The following MAGI2 variants were observed in gnomAD, a reference collection of about 807,000 sequenced individuals.
The protein encoded by MAGI2 is membrane-associated guanylate kinase, WW and PDZ domain-containing protein 2.
MAGI2 carries 35 observed loss-of-function variants against 133.3 expected under a neutral mutation model. That is an observed-to-expected ratio of 0.26 (90% CI 0.20 to 0.35). The LOEUF (loss-of-function observed/expected upper bound fraction) is 0.35. Among genes scored for constraint, MAGI2 ranks in the 10% least tolerant of loss-of-function variants. MAGI2 has a pLI of 1.00. For synonymous variants in MAGI2, 729 were observed against 710.6 expected (o/e 1.03, Z -0.41); for missense variants, 1,636 against 1,863.4 (o/e 0.88, Z 2.25).
chr7:78,147,215 AG>A (rs2150572323), intron 16 of MAGI2, among the ~76,000 whole-genome samples: 1 of 152,304 alleles, frequency 6.6e-6, no homozygotes, highest in South Asian at 2.1e-4. Context: ...CCTCAAGCGA[AG>A]TGTTCAGGAG....
chr7:78,422,675 A>G (rs889835900), intron 6 of MAGI2, among the ~76,000 whole-genome samples: 3 of 152,214 alleles, frequency 2.0e-5, no homozygotes, highest in African/African-American at 7.2e-5. Flanking sequence ...ACTTTCTCAA[A>G]GTTGTATTGC....
chr7:79,369,488 A>T (rs1430492797), intron 1 of MAGI2, among the ~76,000 whole-genome samples: 1 of 152,238 alleles, frequency 6.6e-6, no homozygotes, highest in Admixed American at 6.5e-5. Flanking sequence ...AGCTGAAGTC[A>T]GTATAAAAAC....
chr7:78,043,097 T>C (rs1456798099), intron 21 of MAGI2, among the ~76,000 whole-genome samples: 1 of 152,244 alleles, frequency 6.6e-6, no homozygotes, highest in Non-Finnish European at 1.5e-5. Flanking sequence ...TTCCTAAATG[T>C]TAAATGTTAA....
intron 1 of MAGI2, among the ~76,000 whole-genome samples, chr7:79,288,733 A>G (rs140534028): frequency 2.7e-3 from 411 of 152,294 alleles, no homozygotes; most frequent in Middle Eastern, 6.8e-3. Flanking sequence ...GACCAAAGAT[A>G]GAAAAGCTAA....
intron 2 of MAGI2, among the ~76,000 whole-genome samples, chr7:78,999,210 G>A (rs539194738): frequency 6.6e-6 from 1 of 152,102 alleles, no homozygotes; most frequent in East Asian, 1.9e-4. Flanking sequence ...GAAAGATTGT[G>A]TCACAGCAGC....
chr7:78,656,755 AT>A (rs1439389908), intron 2 of MAGI2, among the ~76,000 whole-genome samples: 1 of 152,206 alleles, frequency 6.6e-6, no homozygotes, highest in East Asian at 1.9e-4. Context: ...ACAATTAAAA[AT>A]AATCACGTTT....
rs1409927007 is a variant in MAGI2, at chr7:78,862,241, T to C, written c.418+144849A>G. Among the ~76,000 whole-genome samples, 6 of 152,348 alleles carry C rather than the reference T, an allele frequency of 3.9e-5. No homozygotes were observed. In the East Asian group the frequency reaches 1.2e-3, roughly 29 times the overall value. ...AACAGAGTGCTTAGAATATAACTTC[T>C]TCGTAAATGCTGATGAAACCAACAG... On this transcript the variant is annotated intron_variant, in intron 2 of 21. Coordinates refer to ENST00000354212, the MANE Select transcript of MAGI2 (RefSeq NM_012301.4).
chr7:79,405,800 G>C (rs1440599269), intron 1 of MAGI2, among the ~76,000 whole-genome samples: 3 of 151,496 alleles, frequency 2.0e-5, no homozygotes, highest in Admixed American at 2.0e-4. Flanking sequence ...TCCTTTTCTT[G>C]ATGATTGACT....
intron 21 of MAGI2, among the ~76,000 whole-genome samples, chr7:78,062,759 C>A (rs1317533075): frequency 1.3e-5 from 2 of 152,164 alleles, no homozygotes; most frequent in Non-Finnish European, 2.9e-5. Context: ...CATCCAAGTG[C>A]CCTGTTTCTG....
intron 1 of MAGI2, among the ~76,000 whole-genome samples, chr7:79,339,325 T>C (rs1480955728): frequency 2.0e-5 from 3 of 152,154 alleles, no homozygotes; most frequent in African/African-American, 7.2e-5. Context: ...AATTGTACTA[T>C]GTTACAATTC....
At chr7:79,344,412 TA>T (rs1210442026) in intron 1 of MAGI2, among the ~76,000 whole-genome samples, 4 of 152,170 alleles carry the variant, frequency 2.6e-5, no homozygotes, top group Admixed American at 1.3e-4. Flanking sequence ...GATTGCTACA[TA>T]AATGAGCAAT....
chr7:78,198,333 G>A (rs7777283), intron 11 of MAGI2, among the ~76,000 whole-genome samples: 52,599 of 151,756 alleles, frequency 0.35, 10,531 homozygotes, highest in Non-Finnish European at 0.45. Flanking sequence ...CTTTATGAAC[G>A]GACAGCCACT....
At chr7:79,151,614 T>C (rs1453186275) in intron 1 of MAGI2, among the ~76,000 whole-genome samples, 1 of 152,148 alleles carries the variant, frequency 6.6e-6, no homozygotes, top group Non-Finnish European at 1.5e-5. Context: ...TGAACAATTT[T>C]TAACCACTAA....
intron 17 of MAGI2, chr7:78,133,989 G>C (rs1402721602): frequency 1.3e-5 from 2 of 151,682 alleles, no homozygotes; most frequent in Non-Finnish European, 2.9e-5. Flanking sequence ...ACTCAGCACT[G>C]TTGGCATTTT....
At chr7:78,399,529 G>T (rs1430084999) in intron 6 of MAGI2, among the ~76,000 whole-genome samples, 2 of 152,202 alleles carry the variant, frequency 1.3e-5, no homozygotes, top group African/African-American at 4.8e-5. Flanking sequence ...TATTGGCTGG[G>T]TGCAGTGGCT....
At chr7:78,885,369 C>T (rs1796181388) in intron 2 of MAGI2, among the ~76,000 whole-genome samples, 1 of 152,188 alleles carries the variant, frequency 6.6e-6, no homozygotes, top group African/African-American at 2.4e-5. Flanking sequence ...ACACTACTCT[C>T]TAAAGTGGGT....
chr7:78,588,981 G>A (rs776215303), intron 3 of MAGI2, among the ~76,000 whole-genome samples: 1 of 152,162 alleles, frequency 6.6e-6, no homozygotes, highest in African/African-American at 2.4e-5. Flanking sequence ...GAATTCCCAA[G>A]CTTCTTAACT....
chr7:79,450,134 T>C (rs910081772), intron 1 of MAGI2, among the ~76,000 whole-genome samples: 10 of 152,126 alleles, frequency 6.6e-5, no homozygotes, highest in South Asian at 2.1e-4. Context: ...TAATACCCAA[T>C]GTCTGAATGA....
chr7:78,325,675 G>T (rs1366009746), intron 9 of MAGI2, among the ~76,000 whole-genome samples: 1 of 152,172 alleles, frequency 6.6e-6, no homozygotes, highest in Non-Finnish European at 1.5e-5. Context: ...TAGCAGCAAA[G>T]AAACCAATGC....
Sources: gnomAD v4.1 joint callset for allele counts (sites outside exome capture counted in the v4.1 genomes callset) on GRCh38, gnomAD v4.1.1 for gene constraint, MANE v1.5 for transcripts, NCBI Gene and HGNC (gene_info 2026-07-23, HGNC 2026-07-21) for gene names.